Variants in DLGAP1 observed in about 807,000 individuals in gnomAD.
DLGAP1 encodes the protein disks large-associated protein 1.
DLGAP1 carries 11 observed loss-of-function variants against 90.8 expected under a neutral mutation model. The ratio of observed to expected loss-of-function variants is 0.12; its 90% CI spans 0.08 to 0.20. The LOEUF is 0.20. Among genes scored for constraint, DLGAP1 ranks in the 10% least tolerant of loss-of-function variants. The pLI, the probability that DLGAP1 is intolerant of heterozygous loss-of-function variation, is 1.00. For missense variants in DLGAP1, 1,050 were observed against 1,333.8 expected (o/e 0.79, Z 3.31); for synonymous variants, 558 against 540.7 (o/e 1.03, Z -0.44).
intron 8 of DLGAP1, chr18:3,580,219 T>C (rs1599349087): frequency 3.1e-6 from 5 of 1,593,228 alleles, no homozygotes; most frequent in East Asian, 4.5e-5. Flanking sequence ...CGGGTGGACA[T>C]TCCCCTCAGG....
At chr18:3,712,966 G>C (rs914392599) in intron 7 of DLGAP1, among the ~76,000 whole-genome samples, 8 of 152,192 alleles carry the variant, frequency 5.3e-5, no homozygotes, top group African/African-American at 1.9e-4. Context: ...GTGTTCAGAA[G>C]GATGGGGCAG....
At chr18:4,209,644 T>C (rs1257151682) in intron 1 of DLGAP1, among the ~76,000 whole-genome samples, 2 of 152,190 alleles carry the variant, frequency 1.3e-5, no homozygotes, top group Non-Finnish European at 2.9e-5. Context: ...AACAAGAACA[T>C]GTATAAACAA....
intron 3 of DLGAP1, among the ~76,000 whole-genome samples, chr18:3,916,154 T>C (rs2148903112): frequency 6.6e-6 from 1 of 152,328 alleles, no homozygotes; most frequent in Admixed American, 6.5e-5. Context: ...TATATTCAAC[T>C]GCTGGAACCT....
At chr18:3,955,416 G>C (rs1163926421) in intron 3 of DLGAP1, among the ~76,000 whole-genome samples, 3 of 152,126 alleles carry the variant, frequency 2.0e-5, no homozygotes, top group African/African-American at 7.2e-5. Flanking sequence ...CAATCAAAAA[G>C]TTAGGTAGAG....
chr18:4,066,999 A>G (rs2075379243), intron 2 of DLGAP1, among the ~76,000 whole-genome samples: 1 of 152,198 alleles, frequency 6.6e-6, no homozygotes, highest in Non-Finnish European at 1.5e-5. Flanking sequence ...GCAGCCATAC[A>G]AAAGAATGAG....
chr18:4,053,951 A>G (rs2075175168), intron 2 of DLGAP1, among the ~76,000 whole-genome samples: 2 of 152,204 alleles, frequency 1.3e-5, no homozygotes, highest in East Asian at 3.8e-4. Context: ...TTTCTTGAAT[A>G]CTTGAAGCAA....
intron 1 of DLGAP1, among the ~76,000 whole-genome samples, chr18:4,361,795 C>T (rs2081635463): frequency 6.6e-6 from 1 of 151,820 alleles, no homozygotes; most frequent in Non-Finnish European, 1.5e-5. Context: ...AAAAAATGGC[C>T]ACACACAAAA....
chr18:3,767,724 C>G (rs1039566148), intron 5 of DLGAP1, among the ~76,000 whole-genome samples: 4 of 152,036 alleles, frequency 2.6e-5, no homozygotes, highest in African/African-American at 4.8e-5. Context: ...ATTCAACTCT[C>G]ATTCATGATA....
chr18:4,028,123 A>T (rs2074733049), intron 2 of DLGAP1, among the ~76,000 whole-genome samples: 1 of 152,238 alleles, frequency 6.6e-6, no homozygotes, highest in Non-Finnish European at 1.5e-5. Context: ...AGAAGATTCT[A>T]AAACTTAGCT....
At chr18:3,508,269 C>T (rs2050355327) in intron 11 of DLGAP1, among the ~76,000 whole-genome samples, 1 of 151,432 alleles carries the variant, frequency 6.6e-6, no homozygotes, top group Admixed American at 6.6e-5. Flanking sequence ...TTGATAAGAA[C>T]AATAAAATCA....
intron 9 of DLGAP1, among the ~76,000 whole-genome samples, chr18:3,563,720 T>C (rs1326560835): frequency 2.6e-5 from 4 of 152,050 alleles, no homozygotes; most frequent in South Asian, 2.1e-4. Flanking sequence ...CCGCCCACCT[T>C]GGCCTCCCAA....
At chr18:3,765,587 A>G (rs1232038880) in intron 5 of DLGAP1, among the ~76,000 whole-genome samples, 2 of 152,120 alleles carry the variant, frequency 1.3e-5, no homozygotes, top group African/African-American at 2.4e-5. Context: ...TAATCCCAGC[A>G]CTTTGGAAAG....
chr18:3,703,412 CAAAT>C (rs562656952), intron 7 of DLGAP1, among the ~76,000 whole-genome samples: 24 of 152,304 alleles, frequency 1.6e-4, no homozygotes, highest in South Asian at 1.2e-3. Context: ...CTATAAAGGA[CAAAT>C]AAATGAGACT....
chr18:3,533,197 T>C (rs938784723), intron 10 of DLGAP1, among the ~76,000 whole-genome samples: 6 of 152,154 alleles, frequency 3.9e-5, no homozygotes, highest in African/African-American at 1.4e-4. Flanking sequence ...AGGTCAAGGC[T>C]GGGGTGAGCC....
intron 10 of DLGAP1, among the ~76,000 whole-genome samples, chr18:3,521,265 A>G (rs570293472): frequency 6.6e-6 from 1 of 152,214 alleles, no homozygotes; most frequent in South Asian, 2.1e-4. Flanking sequence ...TCCCTTGCCA[A>G]TCTTGGAGAT....
intron 3 of DLGAP1, among the ~76,000 whole-genome samples, chr18:3,906,975 A>G (rs893386380): frequency 2.0e-5 from 3 of 152,278 alleles, no homozygotes; most frequent in Non-Finnish European, 4.4e-5. Flanking sequence ...TAATACAAAT[A>G]AAATGCAATT....
chr18:3,638,406 C>A (rs1791383), intron 7 of DLGAP1, among the ~76,000 whole-genome samples: 5,759 of 152,020 alleles, frequency 0.038, 345 homozygotes, highest in African/African-American at 0.13. Flanking sequence ...TACCGCCATG[C>A]CTGGCTAGTT....
intron 5 of DLGAP1, among the ~76,000 whole-genome samples, chr18:3,758,405 G>A (rs560089917): frequency 2.6e-5 from 4 of 152,160 alleles, no homozygotes; most frequent in East Asian, 3.9e-4. Flanking sequence ...CTATAATAAC[G>A]GGAGCTTCAG....
chr18:3,972,233 C>A (rs537931925), intron 3 of DLGAP1, among the ~76,000 whole-genome samples: 1 of 151,952 alleles, frequency 6.6e-6, no homozygotes, highest in Admixed American at 6.6e-5. Context: ...ATCACTAGGC[C>A]GGGCATGGTG....
Sources: allele counts gnomAD v4.1 joint callset (sites outside exome capture counted in the v4.1 genomes callset), GRCh38; gene constraint gnomAD v4.1.1; transcripts MANE v1.5; gene names NCBI Gene and HGNC (gene_info 2026-07-23, HGNC 2026-07-21).